EXOC6B: variants seen among roughly 807,000 people sequenced by gnomAD.
The protein encoded by EXOC6B is SEC15 homolog B.
EXOC6B carries 54 observed loss-of-function variants against 113.5 expected under a neutral mutation model. The observed-to-expected ratio is 0.48, with a 90% CI of 0.38 to 0.60. The LOEUF (loss-of-function observed/expected upper bound fraction) is 0.60, where lower values mean the gene tolerates loss of function less well. EXOC6B is among the 20% of genes least tolerant of loss of function. The pLI, the probability that EXOC6B is intolerant of heterozygous loss-of-function variation, is 0.00. For missense variants in EXOC6B, 797 were observed against 977.5 expected, an observed-to-expected ratio of 0.82 and a Z score of 2.46; for synonymous variants, 357 against 339.0, an observed-to-expected ratio of 1.05 and a Z score of -0.58.
At chr2:72,684,399 TG>T (rs1446108545) in intron 6 of EXOC6B, among the ~76,000 whole-genome samples, 6 of 152,110 alleles carry the variant, frequency 3.9e-5, no homozygotes, top group Non-Finnish European at 7.4e-5. Flanking sequence ...AAACAAAATA[TG>T]GTAGAACTAC....
At chr2:72,693,986 T>C (rs538323469) in intron 6 of EXOC6B, among the ~76,000 whole-genome samples, 105 of 152,300 alleles carry the variant, frequency 6.9e-4, no homozygotes, top group African/African-American at 2.4e-3. Flanking sequence ...GGTGAGGAAA[T>C]GTGACATGAG....
At chr2:72,193,432 T>G (rs1392955322) in intron 20 of EXOC6B, among the ~76,000 whole-genome samples, 5 of 152,156 alleles carry the variant, frequency 3.3e-5, no homozygotes, top group African/African-American at 4.8e-5. Flanking sequence ...GAGCACTTCC[T>G]GACACAGAAA....
chr2:72,220,022 T>A (rs887599761), intron 20 of EXOC6B, among the ~76,000 whole-genome samples: 8 of 152,142 alleles, frequency 5.3e-5, no homozygotes, highest in Admixed American at 5.2e-4. Context: ...AAAATGGGGA[T>A]GAAAGTATCA....
At chr2:72,699,563 A>T (rs1041323597) in intron 6 of EXOC6B, among the ~76,000 whole-genome samples, 1 of 152,082 alleles carries the variant, frequency 6.6e-6, no homozygotes, top group Admixed American at 6.5e-5. Flanking sequence ...TGGGAGAGCC[A>T]TATGTTTAGT....
chr2:72,272,795 T>G (rs368042710), intron 20 of EXOC6B, among the ~76,000 whole-genome samples: 1 of 152,284 alleles, frequency 6.6e-6, no homozygotes, highest in African/African-American at 2.4e-5. Context: ...TTTGTGCTAA[T>G]TTATGGTAGA....
In EXOC6B at chr2:72,252,295, G is replaced by A. The variant is rs975562050; in HGVS notation, c.2197-68108C>T. On this transcript the variant is annotated intron_variant, in intron 20 of 21. Coordinates refer to ENST00000272427, the MANE Select transcript of EXOC6B (RefSeq NM_015189.3). ...GCCTATGTAAACATTCTTCACACGTGTGTGTGTGTGTGTTTGGGGGCTGAT... is the reference window on the plus strand; with the variant it reads ...GCCTATGTAAACATTCTTCACACGTATGTGTGTGTGTGTTTGGGGGCTGAT... Among the ~76,000 whole-genome samples the A allele has an allele frequency of 1.3e-4, 12 of 94,532 alleles. No homozygotes were observed. In the African/African-American group the frequency reaches 1.6e-3, roughly 13 times the overall value. The allele number at this position is 94,532 out of a possible 152,430, so 62.0% of individuals were successfully genotyped here.
intron 19 of EXOC6B, among the ~76,000 whole-genome samples, chr2:72,370,555 A>G (rs571937283): frequency 9.2e-5 from 14 of 152,310 alleles, no homozygotes; most frequent in African/African-American, 3.4e-4. Flanking sequence ...ATAAAGACAC[A>G]TGCACATGTA....
chr2:72,518,463 A>C (rs1427761574), intron 8 of EXOC6B, among the ~76,000 whole-genome samples: 1 of 149,504 alleles, frequency 6.7e-6, no homozygotes, highest in African/African-American at 2.5e-5. Context: ...TGAACTACAG[A>C]ATCCTATGGA....
intron 20 of EXOC6B, among the ~76,000 whole-genome samples, chr2:72,330,191 A>C (rs1347193748): frequency 6.6e-6 from 1 of 152,138 alleles, no homozygotes; most frequent in Non-Finnish European, 1.5e-5. Flanking sequence ...GCCTTTGACC[A>C]AACATGGAAG....
At chr2:72,335,584 ACACACACACACG>A (rs1315085385) in intron 19 of EXOC6B, among the ~76,000 whole-genome samples, 1 of 144,268 alleles carries the variant, frequency 6.9e-6, no homozygotes, top group Non-Finnish European at 1.6e-5. Flanking sequence ...ACACACACAC[ACACACACACACG>A]CATCCCAGAA....
chr2:72,546,231 C>A (rs1702891530), intron 8 of EXOC6B, among the ~76,000 whole-genome samples: 1 of 152,136 alleles, frequency 6.6e-6, no homozygotes, highest in African/African-American at 2.4e-5. Context: ...GGCGGATCAC[C>A]TGAAATCAAG....
intron 20 of EXOC6B, among the ~76,000 whole-genome samples, chr2:72,211,880 T>TA (rs1680218200): frequency 6.6e-6 from 1 of 152,228 alleles, no homozygotes. Context: ...AGTGTTATCT[T>TA]ATGCTGCTTA....
In EXOC6B at chr2:72,242,138, G is replaced by A. The variant is rs1024590933; in HGVS notation, c.2197-57951C>T. Among the ~76,000 whole-genome samples the A allele has an allele frequency of 2.6e-5, 4 of 152,292 alleles. No individual in the cohort carries two copies. The South Asian group carries it at 6.2e-4, about 24-fold the overall frequency. ...GCCCAGGAGGTCGAGGCTGCAGTGAGCTATCATCGTGCCACTGCACTCCAG... is the reference window on the plus strand; with the variant it reads ...GCCCAGGAGGTCGAGGCTGCAGTGAACTATCATCGTGCCACTGCACTCCAG... On this transcript the variant is annotated intron_variant, in intron 20 of 21. Coordinates refer to ENST00000272427, the MANE Select transcript of EXOC6B (RefSeq NM_015189.3).
intron 8 of EXOC6B, 97 bp from the exon 9 acceptor site, chr2:72,515,223 A>G: frequency 8.7e-7 from 1 of 1,143,540 alleles, no homozygotes; most frequent in Non-Finnish European, 1.3e-6. Flanking sequence ...AATTTGAGGT[A>G]GTATCACATT....
In EXOC6B at chr2:72,435,881, C is replaced by A. The variant is rs141485767; in HGVS notation, c.1980+29279G>T. On this transcript the variant is annotated intron_variant, in intron 18 of 21. Coordinates refer to ENST00000272427, the MANE Select transcript of EXOC6B (RefSeq NM_015189.3). The stretch of plus-strand genomic sequence containing the variant: ...GCCAGTCTGTGTCTTTTAATTGGGG[C>A]ATTTAGCCCATTTACATTTAAGGTT... Among the ~76,000 whole-genome samples the A allele has an allele frequency of 9.5e-3, 1,443 of 152,176 alleles. 23 individuals carry two copies. The highest frequency in any genetic ancestry group is 0.032 in the African/African-American group (1,333 of 41,540).
At chr2:72,191,825 G>C (rs1678852843) in intron 20 of EXOC6B, among the ~76,000 whole-genome samples, 2 of 152,138 alleles carry the variant, frequency 1.3e-5, no homozygotes, top group African/African-American at 4.8e-5. Context: ...GTCTCCAGCA[G>C]CAAGTCTAGA....
intron 20 of EXOC6B, among the ~76,000 whole-genome samples, chr2:72,275,666 G>T (rs1684768023): frequency 6.6e-6 from 1 of 152,068 alleles, no homozygotes; most frequent in Non-Finnish European, 1.5e-5. Flanking sequence ...AGTACAATTG[G>T]CCCTGGACAT....
chr2:72,758,607 C>T (rs1035131954), intron 1 of EXOC6B, among the ~76,000 whole-genome samples: 45 of 152,230 alleles, frequency 3.0e-4, no homozygotes, highest in African/African-American at 1.0e-3. Flanking sequence ...TAGACTAGCC[C>T]ATTTTAATAA....
chr2:72,674,828 A>G, intron 6 of EXOC6B, among the ~76,000 whole-genome samples: 1 of 152,216 alleles, frequency 6.6e-6, no homozygotes, highest in African/African-American at 2.4e-5. Context: ...AACTGACTGA[A>G]AAACATAAAT....
Sources: allele counts gnomAD v4.1 joint callset (sites outside exome capture counted in the v4.1 genomes callset), GRCh38; gene constraint gnomAD v4.1.1; transcripts MANE v1.5; gene names NCBI Gene and HGNC (gene_info 2026-07-23, HGNC 2026-07-21).